Variants in DENND5B observed in about 807,000 individuals in gnomAD.
DENND5B encodes the protein DENN domain containing 5B, also known as DENN domain-containing protein 5B.
A neutral mutation model predicts 140.6 loss-of-function variants in DENND5B; 34 were observed. The ratio of observed to expected loss-of-function variants is 0.24; its 90% CI spans 0.18 to 0.32. The LOEUF is 0.32. Ranked by LOEUF, DENND5B falls within the 10% of genes least tolerant of loss-of-function variation. The probability of loss-of-function intolerance (pLI) is 1.00; values close to 1 mark genes in which losing one functional copy is unlikely to be tolerated. For missense variants in DENND5B, 1,142 were observed against 1,560.2 expected, an observed-to-expected ratio of 0.73 and a Z score of 4.52; for synonymous variants, 551 against 562.1, an observed-to-expected ratio of 0.98 and a Z score of 0.28.
intron 13 of DENND5B, 131 bp downstream of exon 13, chr12:31,413,305 T>C: frequency 8.9e-7 from 1 of 1,121,178 alleles, no homozygotes; most frequent in Non-Finnish European, 1.2e-6. Context: ...ACACGCCTGT[T>C]AGATAAAGAA....
At chr12:31,571,926 A>G (rs929400466) in intron 1 of DENND5B, among the ~76,000 whole-genome samples, 2 of 152,182 alleles carry the variant, frequency 1.3e-5, no homozygotes, top group Non-Finnish European at 2.9e-5. Context: ...ACAATTTTTT[A>G]AAAGCACATA....
At position 31,532,871 on chromosome 12, in the gene DENND5B, CAAT is replaced by C. The variant is rs1323192961; in HGVS notation, c.128-36955_128-36953del. The stretch of plus-strand genomic sequence containing the variant: ...ATTTCACTGGCTGAATTATTTTGTA[CAAT>C]GAGAGAAAAGGTTCCCGTGGGACCA... On this transcript the variant is annotated intron_variant, in intron 1 of 20. Coordinates refer to ENST00000389082, the MANE Select transcript of DENND5B (RefSeq NM_144973.4). Among the ~76,000 whole-genome samples the C allele has an allele frequency of 3.3e-5, 5 of 152,276 alleles. No individual in the cohort carries two copies. In the East Asian group the frequency reaches 7.7e-4, roughly 24 times the overall value.
chr12:31,542,511 C>T (rs1412766952), intron 1 of DENND5B, among the ~76,000 whole-genome samples: 1 of 152,052 alleles, frequency 6.6e-6, no homozygotes, highest in East Asian at 1.9e-4. Context: ...AAGAGTATAA[C>T]TGGATTGTTT....
intron 8 of DENND5B, among the ~76,000 whole-genome samples, chr12:31,431,313 T>C (rs767007309): frequency 2.0e-5 from 3 of 152,156 alleles, no homozygotes; most frequent in Non-Finnish European, 4.4e-5. Context: ...CATTGTAAAA[T>C]AGATTTAAGC....
chr12:31,585,390 G>A (rs1022072589), intron 1 of DENND5B, among the ~76,000 whole-genome samples: 8 of 152,160 alleles, frequency 5.3e-5, no homozygotes, highest in Non-Finnish European at 1.0e-4. Context: ...TTTGGATCAC[G>A]GCAGCTTCTA....
chr12:31,429,313 T>C (rs1943403648), intron 8 of DENND5B, among the ~76,000 whole-genome samples: 1 of 152,230 alleles, frequency 6.6e-6, no homozygotes, highest in Non-Finnish European at 1.5e-5. Context: ...AGCGAGTTTA[T>C]TTGATTTTTA....
intron 17 of DENND5B, among the ~76,000 whole-genome samples, chr12:31,397,549 CAAAAAAA>C (rs1223481557): frequency 4.1e-5 from 2 of 49,320 alleles, no homozygotes; most frequent in Admixed American, 3.7e-4. Context: ...TTCCATCTCA[CAAAAAAA>C]AAAAAAAAAA....
At chr12:31,408,968 C>T (rs914431938) in intron 14 of DENND5B, among the ~76,000 whole-genome samples, 1 of 152,186 alleles carries the variant, frequency 6.6e-6, no homozygotes, top group African/African-American at 2.4e-5. Flanking sequence ...ATCTAACCCC[C>T]ATGGTGAGCT....
rs1948776106 is a variant in DENND5B at position 31,544,158 on chromosome 12, C to T, written c.127+46548G>A. On this transcript the variant is annotated intron_variant, in intron 1 of 20. Coordinates refer to ENST00000389082, the MANE Select transcript of DENND5B (RefSeq NM_144973.4). ...CAGCCTGGGCAACAGAGTGAGACTC[C>T]ATCTCAAAATTAATGAATGAATTAA... Among the ~76,000 whole-genome samples, 3 of 152,108 alleles carry T rather than the reference C, an allele frequency of 2.0e-5. No individual in the cohort carries two copies. In the South Asian group the frequency reaches 6.2e-4, roughly 32 times the overall value.
chr12:31,501,671 G>T (rs897535917), intron 1 of DENND5B, among the ~76,000 whole-genome samples: 1 of 151,610 alleles, frequency 6.6e-6, no homozygotes, highest in African/African-American at 2.4e-5. Flanking sequence ...TACTTGGGAG[G>T]CTGAGGCAGA....
At chr12:31,418,282 CTTT>C (rs66507414) in intron 11 of DENND5B, among the ~76,000 whole-genome samples, 3 of 133,060 alleles carry the variant, frequency 2.3e-5, no homozygotes, top group African/African-American at 2.8e-5. Flanking sequence ...TTTTTCTTTT[CTTT>C]TTTTTTTTTT....
intron 1 of DENND5B, among the ~76,000 whole-genome samples, chr12:31,523,945 A>G (rs1454985180): frequency 6.6e-6 from 1 of 152,076 alleles, no homozygotes; most frequent in Non-Finnish European, 1.5e-5. Flanking sequence ...GTGGTATCAT[A>G]GCATTCTTTC....
intron 4 of DENND5B, among the ~76,000 whole-genome samples, chr12:31,454,648 T>A (rs1180728693): frequency 6.6e-6 from 1 of 151,854 alleles, no homozygotes; most frequent in African/African-American, 2.4e-5. Flanking sequence ...TTTCACCATC[T>A]TGGCCAGGCT....
intron 3 of DENND5B, among the ~76,000 whole-genome samples, chr12:31,466,454 A>C (rs1945271792): frequency 6.6e-6 from 1 of 152,048 alleles, no homozygotes; most frequent in African/African-American, 2.4e-5. Flanking sequence ...GCACTCTGGG[A>C]GGCCACGGCG....
At chr12:31,529,726 A>T (rs1044145784) in intron 1 of DENND5B, among the ~76,000 whole-genome samples, 5 of 151,766 alleles carry the variant, frequency 3.3e-5, no homozygotes, top group African/African-American at 9.7e-5. Context: ...ATAAAAATTT[A>T]AAAATAATTT....
chr12:31,563,400 T>C lies in DENND5B; in HGVS notation c.127+27306A>G, dbSNP rs528799291. ...ATGAACTCCAACTGCTAACCTCCTT[T>C]GGGGGTAAAAACAAAAACAAAAACT... On this transcript the variant is annotated intron_variant, in intron 1 of 20. Transcript: ENST00000389082. 4.6e-5 allele frequency among the ~76,000 whole-genome samples: 7 copies of C among 152,276 alleles called. No individual in the cohort carries two copies. In the South Asian group the frequency reaches 1.5e-3, roughly 32 times the overall value.
chr12:31,457,160 T>C (rs1944813519), intron 4 of DENND5B, among the ~76,000 whole-genome samples: 2 of 152,238 alleles, frequency 1.3e-5, no homozygotes, highest in African/African-American at 4.8e-5. Context: ...TGTTTCAGTT[T>C]TTCTCTTAAC....
At chr12:31,556,997 T>C (rs908304145) in intron 1 of DENND5B, among the ~76,000 whole-genome samples, 4 of 152,152 alleles carry the variant, frequency 2.6e-5, no homozygotes, top group Non-Finnish European at 5.9e-5. Flanking sequence ...TCAGAATCTA[T>C]AGTAAGAGAA....
intron 7 of DENND5B, among the ~76,000 whole-genome samples, chr12:31,441,499 T>C (rs1944029642): frequency 6.7e-6 from 1 of 149,760 alleles, no homozygotes; most frequent in African/African-American, 2.5e-5. Context: ...AAGTTTTTTT[T>C]TTGAGACAGG....
Sources: gnomAD v4.1 joint callset for allele counts (sites outside exome capture counted in the v4.1 genomes callset) on GRCh38, gnomAD v4.1.1 for gene constraint, MANE v1.5 for transcripts, NCBI Gene and HGNC (gene_info 2026-07-23, HGNC 2026-07-21) for gene names.